DDX52: variants seen among roughly 807,000 people sequenced by gnomAD.
DDX52 encodes DExD-box helicase 52, also known as probable ATP-dependent RNA helicase DDX52.
Under a neutral mutation model 76.1 loss-of-function variants are expected in DDX52, and 59 were observed. The ratio of observed to expected loss-of-function variants is 0.78; its 90% CI spans 0.63 to 0.96. The LOEUF (loss-of-function observed/expected upper bound fraction) is 0.96. Ranked by LOEUF, DDX52 falls within the 40% of genes least tolerant of loss-of-function variation. The pLI is 0.00. For synonymous variants in DDX52, 231 were observed against 244.1 expected (o/e 0.95, Z 0.50); for missense variants, 707 against 703.9 (o/e 1.00, Z -0.05).
In DDX52 at chr17:37,612,462, A is replaced by T. The variant is rs1367535587; in HGVS notation, c.*1834T>A. ...CATGTTCCAACTGTCTATAGCATGC[A>T]GGACAGTAACATGCTATACGGGTTT... On this transcript the variant is annotated 3_prime_UTR_variant, in exon 15 of 15. Coordinates refer to ENST00000617633, the MANE Select transcript of DDX52 (RefSeq NM_007010.5). The T allele has an allele frequency of 6.6e-6, 1 of 152,228 alleles. No individual in the cohort carries two copies. The allele number at this position is 152,228 out of a possible 1,614,324, so 9.4% of individuals were successfully genotyped here. A position where few individuals can be genotyped will look rare whatever the true frequency, so the allele number is the denominator to read the frequency against.
intron 14 of DDX52, 123 bp from the exon 15 acceptor site, chr17:37,614,476 AG>A: frequency 1.1e-6 from 1 of 890,156 alleles, no homozygotes; most frequent in South Asian, 1.8e-5. Context: ...ATGAGGCACT[AG>A]GAACACAAAG....
At chr17:37,643,285 C>A (rs746153323) in intron 1 of DDX52, 49 bp downstream of exon 1, 1 of 1,578,732 alleles carries the variant, frequency 6.3e-7, no homozygotes, top group Non-Finnish European at 8.7e-7. Flanking sequence ...CATTCCCGGG[C>A]TCCTGCTCCT....
rs142871622 is a variant in DDX52, at chr17:37,637,350, C to G, written c.287-3932G>C. Reference sequence around the variant, plus strand: ...TTCACCATGTTGGCCAGGCTGGTTTCGAACTCCTAACCTCAGGTGATCCAC... The same window carrying G: ...TTCACCATGTTGGCCAGGCTGGTTTGGAACTCCTAACCTCAGGTGATCCAC... On this transcript the variant is annotated intron_variant, in intron 2 of 14. Transcript: ENST00000617633. Among the ~76,000 whole-genome samples the G allele has an allele frequency of 5.4e-3, 818 of 151,046 alleles. 4 individuals are homozygous for G. The highest frequency in any genetic ancestry group is 0.017 in the African/African-American group (697 of 41,160).
In DDX52 at chr17:37,631,897, G is replaced by C. The variant is rs1038087442; in HGVS notation, c.603+216C>G. The C allele has an allele frequency of 6.8e-6, 4 of 591,880 alleles. No individual in the cohort carries two copies. In the African/African-American group the frequency reaches 7.4e-5, roughly 11 times the overall value. The allele number at this position is 591,880 out of a possible 1,614,324, so 36.7% of individuals were successfully genotyped here. ...AATACCATGGAAGAACTGCAGTGTG[G>C]GGGAAAGGGTACTAGAAAAGGAAGA... On this transcript the variant is annotated intron_variant, in intron 4 of 14. Coordinates refer to ENST00000617633, the MANE Select transcript of DDX52 (RefSeq NM_007010.5).
chr17:37,611,625 T>C lies in DDX52; in HGVS notation c.*2671A>G, dbSNP rs975729190. 1 of 150,312 alleles carries C rather than the reference T, an allele frequency of 6.7e-6. No individual in the cohort carries two copies. Among genetic ancestry groups the C allele is most frequent in the Non-Finnish European group, 1.5e-5 (1 of 67,944 alleles). The allele number at this position is 150,312 out of a possible 1,614,324, so 9.3% of individuals were successfully genotyped here. On this transcript the variant is annotated 3_prime_UTR_variant, in exon 15 of 15. Coordinates refer to ENST00000617633, the MANE Select transcript of DDX52 (RefSeq NM_007010.5). Reference sequence around the variant, plus strand: ...GGCGCATGCCTGTAGTCCCAGCAACTCGGGAGGCTGAGGCAGGAGAATCAC... The same window carrying C: ...GGCGCATGCCTGTAGTCCCAGCAACCCGGGAGGCTGAGGCAGGAGAATCAC...
chr17:37,626,743 C>T (rs1329341614), intron 7 of DDX52, 45 bp downstream of exon 7: 5 of 1,567,266 alleles, frequency 3.2e-6, no homozygotes, highest in Non-Finnish European at 4.4e-6. Flanking sequence ...ATATAATTAA[C>T]TAAATTAAAA....
At chr17:37,616,867 G>A (rs1024747976) in intron 14 of DDX52, among the ~76,000 whole-genome samples, 3 of 151,992 alleles carry the variant, frequency 2.0e-5, no homozygotes, top group African/African-American at 7.3e-5. Flanking sequence ...ATTCCTCATA[G>A]ACAATACCAA....
At chr17:37,635,912 T>C (rs1178118768) in intron 2 of DDX52, among the ~76,000 whole-genome samples, 1 of 152,178 alleles carries the variant, frequency 6.6e-6, no homozygotes, top group Non-Finnish European at 1.5e-5. Flanking sequence ...AGTAGTACTG[T>C]ATTGTGGTTT....
At chr17:37,616,614 C>T (rs754956252) in intron 14 of DDX52, among the ~76,000 whole-genome samples, 1 of 150,838 alleles carries the variant, frequency 6.6e-6, no homozygotes, top group Non-Finnish European at 1.5e-5. Context: ...GAGATTGCGA[C>T]ACTGCACTCC....
At chr17:37,622,931 T>A (rs1159611777) in intron 9 of DDX52, among the ~76,000 whole-genome samples, 1 of 152,118 alleles carries the variant, frequency 6.6e-6, no homozygotes, top group Non-Finnish European at 1.5e-5. Flanking sequence ...GAGGTAGATA[T>A]TATTATCCCA....
intron 5 of DDX52, among the ~76,000 whole-genome samples, chr17:37,629,333 G>T (rs1178160623): frequency 1.3e-5 from 2 of 151,846 alleles, no homozygotes; most frequent in South Asian, 4.2e-4. Context: ...TAAGCACATT[G>T]GGAGGGTAGA....
chr17:37,619,612 T>G (rs533366785), intron 13 of DDX52, among the ~76,000 whole-genome samples, 156 bp downstream of exon 13: 2 of 151,536 alleles, frequency 1.3e-5, no homozygotes, highest in East Asian at 3.9e-4. Flanking sequence ...CTTAGGGGAC[T>G]GAGGCAGGAG....
chr17:37,624,329 G>A lies in DDX52; in HGVS notation c.1227+15C>T. On this transcript the variant is annotated intron_variant, in intron 9 of 14. Coordinates refer to ENST00000617633, the MANE Select transcript of DDX52 (RefSeq NM_007010.5). ...GCAAACTTTACCAAAATTCAAGAAG[G>A]TAATACAAATATACCTTTTTAACAA... 1.3e-6 allele frequency: 2 copies of A among 1,595,684 alleles called. No individual in the cohort carries two copies. The highest frequency in any genetic ancestry group is 1.7e-6 in the Non-Finnish European group (2 of 1,169,178).
At chr17:37,636,989 G>A (rs1598767804) in intron 2 of DDX52, among the ~76,000 whole-genome samples, 1 of 152,062 alleles carries the variant, frequency 6.6e-6, no homozygotes, top group Non-Finnish European at 1.5e-5. Flanking sequence ...TTTCAAGATA[G>A]GGTTTTGTTC....
At chr17:37,638,358 G>C (rs2031027928) in intron 2 of DDX52, among the ~76,000 whole-genome samples, 1 of 152,200 alleles carries the variant, frequency 6.6e-6, no homozygotes. Flanking sequence ...AGAAAACATT[G>C]AGTTGCCTAA....
At chr17:37,634,001 A>G (rs918144187) in intron 2 of DDX52, among the ~76,000 whole-genome samples, 2 of 143,778 alleles carry the variant, frequency 1.4e-5, no homozygotes, top group African/African-American at 2.6e-5. Flanking sequence ...GCTGAAGTGC[A>G]GTGGTGCGAT....
Position 37,633,318 on chromosome 17 carries a change from GGAA to G in DDX52, c.384_386del (p.Ser129del). On this transcript the variant is annotated inframe_deletion, in exon 3 of 15. Coordinates refer to ENST00000617633, the MANE Select transcript of DDX52 (RefSeq NM_007010.5). ...CTTTTCTGAGATTCTCCAACTTTCC[GGAA>G]GTTAGTTTACTTTCTCTCTGAACTT... The G allele has an allele frequency of 6.2e-7, 1 of 1,608,328 alleles. No homozygotes were observed.
chr17:37,633,524 T>C (rs2030784986), intron 2 of DDX52, 106 bp from the exon 3 acceptor site: 1 of 888,776 alleles, frequency 1.1e-6, no homozygotes, highest in East Asian at 4.2e-5. Flanking sequence ...TGGGTGGTGG[T>C]GCAAGCCTGT....
intron 4 of DDX52, 49 bp downstream of exon 4, chr17:37,632,064 A>C: frequency 6.2e-7 from 1 of 1,610,740 alleles, no homozygotes; most frequent in South Asian, 1.1e-5. Context: ...AGAATGAGCA[A>C]ACACACAGAG....
Sources: allele counts gnomAD v4.1 joint callset (sites outside exome capture counted in the v4.1 genomes callset), GRCh38; gene constraint gnomAD v4.1.1; transcripts MANE v1.5; gene names NCBI Gene and HGNC (gene_info 2026-07-23, HGNC 2026-07-21).